The following HEG1 variants were observed in gnomAD, a reference collection of about 807,000 sequenced individuals.
HEG1 encodes the protein protein HEG homolog 1.
Under a neutral mutation model 125.6 loss-of-function variants are expected in HEG1, and 56 were observed. The observed-to-expected ratio is 0.45, with a 90% CI of 0.36 to 0.56. HEG1 has a LOEUF of 0.56. Among genes scored for constraint, HEG1 ranks in the 20% least tolerant of loss-of-function variants. HEG1 has a pLI of 0.00. For synonymous variants in HEG1, 644 were observed against 668.5 expected (o/e 0.96, Z 0.57); for missense variants, 1,523 against 1,670.0 (o/e 0.91, Z 1.53).
intron 1 of HEG1, among the ~76,000 whole-genome samples, chr3:125,049,003 G>A (rs750452807): frequency 1.3e-5 from 2 of 152,220 alleles, no homozygotes; most frequent in Non-Finnish European, 2.9e-5. Context: ...GTTAGGGGAT[G>A]AGAATCAAGG....
Position 124,970,724 on chromosome 3 carries a change from A to G in HEG1, c.4074T>C (p.His1358=), listed in dbSNP as rs1435247737. 33 of 1,610,076 alleles carry G rather than the reference A, an allele frequency of 2.0e-5. No individual in the cohort carries two copies. The highest frequency in any genetic ancestry group is 2.7e-5 in the Non-Finnish European group (32 of 1,178,302). The stretch of plus-strand genomic sequence containing the variant: ...TATACTGTCCGGGGAAAATGCAAGA[A>G]TGCCGTGATCCTGGCAGTCCAGTGT... ...PAYTGLPGSR[H]SCIFPGQYNP... Residue 1358 remains histidine, a synonymous_variant, in exon 17 of 17, where the codon CAT becomes CAC. Coordinates refer to ENST00000311127, the MANE Select transcript of HEG1 (RefSeq NM_020733.2).
At position 124,968,455 on chromosome 3, in the gene HEG1, A is replaced by G. The variant is rs569899696; in HGVS notation, c.*2197T>C. The stretch of plus-strand genomic sequence containing the variant: ...AAATAAAACACTCTTAATCCACTCC[A>G]TACGGAAGAAACCCATGAACAAGAA... On this transcript the variant is annotated 3_prime_UTR_variant, in exon 17 of 17. Transcript: ENST00000311127. 1 of 152,236 alleles carries G rather than the reference A, an allele frequency of 6.6e-6. No homozygotes were observed. Among genetic ancestry groups the G allele is most frequent in the East Asian group, 1.9e-4 (1 of 5,194 alleles). 9.4% of individuals were successfully genotyped at this position (152,236 alleles called of 1,614,324 possible). A position where few individuals can be genotyped will look rare whatever the true frequency, so the allele number is the denominator to read the frequency against.
At chr3:124,987,721 C>T (rs1368973030) in intron 14 of HEG1, among the ~76,000 whole-genome samples, 1 of 150,758 alleles carries the variant, frequency 6.6e-6, no homozygotes, top group African/African-American at 2.4e-5. Flanking sequence ...AGGGTTTCAC[C>T]GTGTTAGCCA....
chr3:125,055,729 C>T lies in HEG1; in HGVS notation c.162G>A (p.Leu54=). ...LAPLAGAGLE[L]QLERRPEREP... Reference sequence around the variant, plus strand: ...CGCGCTCCGGGCGGCGCTCCAGCTGCAGCTCCAGCCCCGCTCCCGCGAGGG... The same window carrying T: ...CGCGCTCCGGGCGGCGCTCCAGCTGTAGCTCCAGCCCCGCTCCCGCGAGGG... Residue 54 remains leucine (L), a synonymous_variant, in exon 1 of 17, where the codon CTG becomes CTA. Coordinates refer to ENST00000311127, the MANE Select transcript of HEG1 (RefSeq NM_020733.2). The T allele has an allele frequency of 9.6e-7, 1 of 1,044,044 alleles. No homozygotes were observed. Among genetic ancestry groups the T allele is most frequent in the Non-Finnish European group, 1.1e-6 (1 of 870,020 alleles). The allele number at this position is 1,044,044 out of a possible 1,614,324, so 64.7% of individuals were successfully genotyped here. A position where few individuals can be genotyped will look rare whatever the true frequency, so the allele number is the denominator to read the frequency against.
chr3:125,034,094 G>C (rs145024422), intron 1 of HEG1, among the ~76,000 whole-genome samples: 1 of 98,572 alleles, frequency 1.0e-5, no homozygotes, highest in Non-Finnish European at 2.3e-5. Context: ...GGGCAGGGGC[G>C]GTCCTGATGG....
intron 2 of HEG1, 89 bp from the exon 3 acceptor site, chr3:125,027,596 A>G: frequency 9.6e-7 from 1 of 1,041,698 alleles, no homozygotes; most frequent in South Asian, 1.7e-5. Flanking sequence ...TGACATCTAC[A>G]AAATATACAG....
intron 8 of HEG1, chr3:125,009,454 A>C (rs189578897): frequency 2.2e-4 from 59 of 262,406 alleles, no homozygotes; most frequent in African/African-American, 1.2e-3. Context: ...TGTTTAAGAT[A>C]TAAAGTTTAT....
intron 10 of HEG1, 76 bp from the exon 11 acceptor site, chr3:125,002,088 A>G (rs1033735418): frequency 8.4e-6 from 13 of 1,547,652 alleles, no homozygotes; most frequent in Non-Finnish European, 9.8e-6. Context: ...AATGAATGTC[A>G]TCGCCATTCA....
chr3:124,971,462 T>C (rs918337740), intron 16 of HEG1, among the ~76,000 whole-genome samples: 24 of 152,058 alleles, frequency 1.6e-4, no homozygotes, highest in African/African-American at 5.8e-4. Flanking sequence ...TTTTTTACCT[T>C]TCCCTCTCTT....
chr3:125,014,247 G>C (rs1244287644), intron 5 of HEG1, among the ~76,000 whole-genome samples: 1 of 152,170 alleles, frequency 6.6e-6, no homozygotes, highest in Non-Finnish European at 1.5e-5. Flanking sequence ...GGTAACAAAA[G>C]AGAAGTGGGG....
At chr3:125,035,198 T>C (rs1472429441) in intron 1 of HEG1, among the ~76,000 whole-genome samples, 1 of 152,178 alleles carries the variant, frequency 6.6e-6, no homozygotes, top group Non-Finnish European at 1.5e-5. Context: ...ACTCCTGACC[T>C]CAGGTGATCT....
rs1937204688 is a variant in HEG1, at chr3:125,014,001, A to T, written c.1589-11T>A. 1.3e-6 allele frequency: 2 copies of T among 1,577,764 alleles called. No homozygotes were observed. Among genetic ancestry groups the T allele is most frequent in the East Asian group, 4.5e-5 (2 of 44,480 alleles). ...AGCTAATCCCAGCGACTGTAAACGG[A>T]AAAGCCAAAGTTAGGTCAAATAAAA... On this transcript the variant is annotated splice_polypyrimidine_tract_variant and intron_variant, in intron 5 of 16. Coordinates refer to ENST00000311127, the MANE Select transcript of HEG1 (RefSeq NM_020733.2).
chr3:125,000,661 AG>A (rs1466187987), intron 11 of HEG1, among the ~76,000 whole-genome samples: 2 of 151,948 alleles, frequency 1.3e-5, no homozygotes, highest in Non-Finnish European at 2.9e-5. Context: ...CTCTTATCCC[AG>A]AATGAAGGGC....
At chr3:125,026,287 C>T (rs79654783) in intron 3 of HEG1, among the ~76,000 whole-genome samples, 2,010 of 152,200 alleles carry the variant, frequency 0.013, 37 homozygotes, top group African/African-American at 0.044. Flanking sequence ...TGTTCTTGGG[C>T]GAGGGGGAAC....
At chr3:124,994,567 G>A (rs998027699) in intron 12 of HEG1, among the ~76,000 whole-genome samples, 40 of 151,608 alleles carry the variant, frequency 2.6e-4, no homozygotes, top group African/African-American at 9.2e-4. Context: ...GTGCAGTGGC[G>A]GGATCTCAGC....
intron 5 of HEG1, among the ~76,000 whole-genome samples, chr3:125,017,018 T>C (rs1937260002): frequency 6.6e-6 from 1 of 152,052 alleles, no homozygotes; most frequent in Admixed American, 6.6e-5. Flanking sequence ...GTCTGCAAAT[T>C]ATATATTTGA....
At chr3:125,012,599 T>A (rs1579416552) in intron 6 of HEG1, 24 bp downstream of exon 6, 1 of 1,598,798 alleles carries the variant, frequency 6.3e-7, no homozygotes, top group Non-Finnish European at 8.5e-7. Flanking sequence ...GCAGTTAACA[T>A]GTGCTTGTGT....
At chr3:124,994,179 C>T (rs564330104) in intron 12 of HEG1, among the ~76,000 whole-genome samples, 1 of 152,312 alleles carries the variant, frequency 6.6e-6, no homozygotes, top group Admixed American at 6.5e-5. Flanking sequence ...ACCACGTAAC[C>T]TAGATCCCTC....
At chr3:125,021,398 T>C (rs1162507454) in intron 3 of HEG1, among the ~76,000 whole-genome samples, 1 of 152,194 alleles carries the variant, frequency 6.6e-6, no homozygotes, top group Non-Finnish European at 1.5e-5. Flanking sequence ...GTTGTTTGCA[T>C]TATTTGTTTT....
Sources: gnomAD v4.1 joint callset for allele counts (sites outside exome capture counted in the v4.1 genomes callset) on GRCh38, gnomAD v4.1.1 for gene constraint, MANE v1.5 for transcripts, NCBI Gene and HGNC (gene_info 2026-07-23, HGNC 2026-07-21) for gene names.